Variants in FAAP100 observed in about 807,000 individuals in gnomAD.
FAAP100 encodes the protein Fanconi anemia core complex-associated protein 100.
FAAP100 carries 46 observed loss-of-function variants against 65.8 expected under a neutral mutation model. The observed-to-expected ratio is 0.70, with a 90% CI of 0.55 to 0.89. The LOEUF (loss-of-function observed/expected upper bound fraction) is 0.89, where lower values mean the gene tolerates loss of function less well. Among genes scored for constraint, FAAP100 ranks in the 40% least tolerant of loss-of-function variants. The pLI, the probability that FAAP100 is intolerant of heterozygous loss-of-function variation, is 0.00. For missense variants in FAAP100, 1,165 were observed against 1,196.7 expected (o/e 0.97, Z 0.39); for synonymous variants, 663 against 555.1 (o/e 1.19, Z -2.73).
At position 81,550,852 on chromosome 17, in the gene FAAP100, G is replaced by A. The variant is rs2033465842; in HGVS notation, c.642C>T (p.Gly214=). The A allele has an allele frequency of 1.2e-6, 2 of 1,612,154 alleles. No individual in the cohort carries two copies. The highest frequency in any genetic ancestry group is 1.1e-5 in the South Asian group (1 of 90,986). ...GSRVPHDLLG[G]SGGFTLEDAL... is the part of the protein sequence containing the mutation. ...CGTCCTCCAGCGTGAAGCCCCCGGA[G>A]CCCCCGAGGAGGTCGTGCGGGACCC... The change falls in exon 3 of 9, where the codon GGC becomes GGT. Residue 214 remains glycine (G), a synonymous_variant. Transcript: ENST00000327787.
chr17:81,543,700 G>A (rs183304950), intron 7 of FAAP100, among the ~76,000 whole-genome samples: 117 of 152,250 alleles, frequency 7.7e-4, no homozygotes, highest in African/African-American at 2.3e-3. Flanking sequence ...GGCTGACCTC[G>A]CAGGTCACAA....
In FAAP100 at chr17:81,550,316, A is replaced by G; in HGVS notation, c.1178T>C (p.Met393Thr). The G allele has an allele frequency of 6.2e-7, 1 of 1,612,812 alleles. No homozygotes were observed. The highest frequency in any genetic ancestry group is 8.5e-7 in the Non-Finnish European group (1 of 1,179,966). Reference protein sequence around the residue: ...PEEGPGGLPPMLCPASLNICS... With the variant: ...PEEGPGGLPPTLCPASLNICS... ...GATGTTCAGGCTGGCTGGGCACAGCATGGGGGGCAGGCCTCCCGGGCCTTC... is the reference window on the plus strand; with the variant it reads ...GATGTTCAGGCTGGCTGGGCACAGCGTGGGGGGCAGGCCTCCCGGGCCTTC... The change falls in exon 3 of 9, where the codon ATG becomes ACG. Residue 393 changes from methionine (M) to threonine (T), a missense_variant. Met to Thr is a moderately conservative substitution (Grantham distance 81). Transcript: ENST00000327787.
chr17:81,548,318 CG>C (rs2033382437), intron 4 of FAAP100: 1 of 363,902 alleles, frequency 2.7e-6, no homozygotes, highest in Non-Finnish European at 5.0e-6. Context: ...CAGCAGGGGA[CG>C]TCTCCCGTGC....
Position 81,545,826 on chromosome 17 carries a change from C to G in FAAP100, c.2230G>C (p.Asp744His). 1 of 1,611,748 alleles carries G rather than the reference C, an allele frequency of 6.2e-7. No homozygotes were observed. The highest frequency in any genetic ancestry group is 8.5e-7 in the Non-Finnish European group (1 of 1,179,918). ...GATAGTGCTCGGGCCCTCACGACGT[C>G]CACAGCAGCATTCTCAGCAAGGAGC... ...QWLLAENAAV[D>H]VVRARALSSI... Residue 744 changes from aspartate (D) to histidine (H), a missense_variant, in exon 6 of 9, where the codon GAC (aspartate) becomes CAC (histidine). Asp to His is a moderately conservative substitution (Grantham distance 81). Transcript: ENST00000327787.
chr17:81,546,199 C>T (rs1257414081), intron 5 of FAAP100, among the ~76,000 whole-genome samples: 3 of 152,228 alleles, frequency 2.0e-5, no homozygotes, highest in East Asian at 3.8e-4. Flanking sequence ...CAGCTCCGCC[C>T]GGCACTGGGC....
chr17:81,541,054 G>A, intron 8 of FAAP100, 104 bp from the exon 9 acceptor site: 1 of 1,396,486 alleles, frequency 7.2e-7, no homozygotes, highest in South Asian at 1.5e-5. Context: ...TTGGGAAGTG[G>A]CAGGTGGTCC....
Position 81,551,187 on chromosome 17 carries a change from C to T in FAAP100, c.307G>A (p.Asp103Asn). The T allele has an allele frequency of 1.3e-6, 2 of 1,525,558 alleles. No individual in the cohort carries two copies. The highest frequency in any genetic ancestry group is 1.8e-6 in the Non-Finnish European group (2 of 1,130,148). The allele number at this position is 1,525,558 out of a possible 1,614,324, so 94.5% of individuals were successfully genotyped here. The change falls in exon 3 of 9, where the codon GAC becomes AAC. Residue 103 changes from aspartate to asparagine, a missense_variant. Transcript: ENST00000327787. ...PGRSRSTSQD[D>N]RDSEDGDQPS... is the part of the protein sequence containing the mutation. ...TGGTCACCGTCCTCGCTGTCCCTGT[C>T]ATCCTGGCTCGTAGACCTTTGAGAA...
rs200172734 is a variant in FAAP100 at position 81,550,871 on chromosome 17, G to A, written c.623C>T (p.Pro208Leu). ...CSVSPSGSRV[P>L]HDLLGGSGGF... ...CCCGGAGCCCCCGAGGAGGTCGTGC[G>A]GGACCCTGGAGCCTGATGGTGACAC... Residue 208 changes from proline (P) to leucine (L), a missense_variant, in exon 3 of 9, where the codon CCG becomes CTG. Transcript: ENST00000327787. 106 of 1,612,218 alleles carry A rather than the reference G, an allele frequency of 6.6e-5. No individual in the cohort carries two copies. The African/African-American group carries it at 1.0e-3, about 16-fold the overall frequency.
intron 7 of FAAP100, among the ~76,000 whole-genome samples, chr17:81,542,040 G>A (rs1327767054): frequency 1.3e-5 from 2 of 149,582 alleles, no homozygotes; most frequent in African/African-American, 4.9e-5. Flanking sequence ...AGTGGCGGGC[G>A]CCTGTAGTCC....
At chr17:81,541,098 G>A (rs531393194) in intron 8 of FAAP100, 148 bp from the exon 9 acceptor site, 2 of 1,195,252 alleles carry the variant, frequency 1.7e-6, no homozygotes, top group African/African-American at 3.1e-5. Context: ...CTTAAAACAT[G>A]GGACACGCAG....
rs759185060 is a variant in FAAP100, at chr17:81,541,302, T to C, written c.2514+7A>G. The C allele has an allele frequency of 9.6e-5, 155 of 1,609,194 alleles. No homozygotes were observed. Among genetic ancestry groups the C allele is most frequent in the Non-Finnish European group, 1.3e-4 (150 of 1,178,514 alleles). ...GAAGGGGACTGCCCGGGGAACCGGG[T>C]GCTCACCTCGTGGTTGGCGTGGATC... On this transcript the variant is annotated splice_region_variant and intron_variant, in intron 8 of 8. Transcript: ENST00000327787.
Position 81,551,987 on chromosome 17 carries a change from G to A in FAAP100, c.231C>T (p.Tyr77=), listed in dbSNP as rs750154534. 3 of 1,566,950 alleles carry A rather than the reference G, an allele frequency of 1.9e-6. No individual in the cohort carries two copies. The highest frequency in any genetic ancestry group is 2.6e-6 in the Non-Finnish European group (3 of 1,165,844). The part of the protein sequence containing the change: ...LELLAPRRLL[Y]ALCARRGLYC... ...AGAGGCCCCTCCGGGCGCACAGCGC[G>A]TACAGCAACCTGCGCGGCGCCAGCA... The change falls in exon 2 of 9, where the codon TAC becomes TAT. Residue 77 remains tyrosine (Y), a synonymous_variant. Coordinates refer to ENST00000327787, the MANE Select transcript of FAAP100 (RefSeq NM_025161.6).
Position 81,550,919 on chromosome 17 carries a change from T to C in FAAP100, c.575A>G (p.His192Arg). The C allele has an allele frequency of 6.2e-7, 1 of 1,612,394 alleles. No homozygotes were observed. Among genetic ancestry groups the C allele is most frequent in the Non-Finnish European group, 8.5e-7 (1 of 1,179,800 alleles). The change falls in exon 3 of 9, where the codon CAC becomes CGC. Residue 192 changes from histidine (H) to arginine (R), a missense_variant. Coordinates refer to ENST00000327787, the MANE Select transcript of FAAP100 (RefSeq NM_025161.6). Reference protein sequence around the residue: ...AGVPGKPAAPHFLPVLCSVSP... With the variant: ...AGVPGKPAAPRFLPVLCSVSP... Reference sequence around the variant, plus strand: ...CACAGAGCACAGCACTGGAAGGAAGTGGGGGGCTGCAGGCTTTCCTGGGAC... The same window carrying C: ...CACAGAGCACAGCACTGGAAGGAAGCGGGGGGCTGCAGGCTTTCCTGGGAC...
chr17:81,548,172 G>A (rs956005177), intron 4 of FAAP100: 8 of 595,776 alleles, frequency 1.3e-5, no homozygotes, highest in East Asian at 8.3e-5. Flanking sequence ...CCTCGCTCTC[G>A]GGACCCCAGT....
rs2033282283 is a variant in FAAP100 at position 81,545,911 on chromosome 17, AGCCTG to A, written c.2174-34_2174-30del. 7 of 1,591,168 alleles carry A rather than the reference AGCCTG, an allele frequency of 4.4e-6. 1 individual carries two copies. The South Asian group carries it at 7.8e-5, about 18-fold the overall frequency. On this transcript the variant is annotated intron_variant, in intron 5 of 8. Coordinates refer to ENST00000327787, the MANE Select transcript of FAAP100 (RefSeq NM_025161.6). ...GAGGGGAGGCATCAGCCGAGAGCTC[AGCCTG>A]ATCCTACCAGGTGGGCTCAGCCGAT...
chr17:81,541,195 G>T, intron 8 of FAAP100, 114 bp downstream of exon 8: 1 of 1,259,490 alleles, frequency 7.9e-7, no homozygotes, highest in Non-Finnish European at 1.1e-6. Flanking sequence ...CCATGGGAGC[G>T]AAGCCCATGC....
rs1169401182 is a variant in FAAP100, at chr17:81,540,326, C to T, written c.*493G>A. 2 of 400,316 alleles carry T rather than the reference C, an allele frequency of 5.0e-6. No homozygotes were observed. Among genetic ancestry groups the T allele is most frequent in the East Asian group, 3.6e-5 (1 of 28,104 alleles). 24.8% of individuals were successfully genotyped at this position (400,316 alleles called of 1,614,324 possible). Reference sequence around the variant, plus strand: ...AGCCGGGCAGGTGTGAACAGTGTGACAAGGGTACCGTGGGGCACCTGGTAG... The same window carrying T: ...AGCCGGGCAGGTGTGAACAGTGTGATAAGGGTACCGTGGGGCACCTGGTAG... On this transcript the variant is annotated 3_prime_UTR_variant, in exon 9 of 9. Coordinates refer to ENST00000327787, the MANE Select transcript of FAAP100 (RefSeq NM_025161.6).
rs62076033 is a variant in FAAP100 at position 81,550,703 on chromosome 17, G to T, written c.791C>A (p.Ala264Asp). The change falls in exon 3 of 9, where the codon GCC becomes GAC. Residue 264 changes from alanine (A) to aspartate (D), a missense_variant. Coordinates refer to ENST00000327787, the MANE Select transcript of FAAP100 (RefSeq NM_025161.6). ...GACAAGGGCATTTGGGTCACCAGGG[G>T]CTGACCTGGAGGTGACCAGGGCCTT... ...ILKALVTSRS[A>D]PGDPNALVKI... 6 of 1,612,882 alleles carry T rather than the reference G, an allele frequency of 3.7e-6. No individual in the cohort carries two copies. Among genetic ancestry groups the T allele is most frequent in the Non-Finnish European group, 4.2e-6 (5 of 1,180,000 alleles).
chr17:81,552,250 G>A lies in FAAP100; in HGVS notation c.81C>T (p.Arg27=). The change falls in exon 1 of 9, where the codon CGC becomes CGT. Residue 27 remains arginine, a synonymous_variant. Coordinates refer to ENST00000327787, the MANE Select transcript of FAAP100 (RefSeq NM_025161.6). The part of the protein sequence containing the change: ...PLGGLAAGKP[R]VLCHEAEVFL... ...AGACCTCTGCCTCATGGCACAGCACGCGGGGCTTGCCCGCCGCCAGGCCCC... is the reference window on the plus strand; with the variant it reads ...AGACCTCTGCCTCATGGCACAGCACACGGGGCTTGCCCGCCGCCAGGCCCC... 5 of 1,484,342 alleles carry A rather than the reference G, an allele frequency of 3.4e-6. No individual in the cohort carries two copies. The highest frequency in any genetic ancestry group is 3.6e-6 in the Non-Finnish European group (4 of 1,124,596). The allele number at this position is 1,484,342 out of a possible 1,614,324, so 91.9% of individuals were successfully genotyped here. A position where few individuals can be genotyped will look rare whatever the true frequency, so the allele number is the denominator to read the frequency against.
Sources: gnomAD v4.1 joint callset for allele counts (sites outside exome capture counted in the v4.1 genomes callset) on GRCh38, gnomAD v4.1.1 for gene constraint, MANE v1.5 for transcripts, NCBI Gene and HGNC (gene_info 2026-07-23, HGNC 2026-07-21) for gene names.